The following NSUN6 variants were observed in gnomAD, a reference collection of about 807,000 sequenced individuals.
NSUN6 encodes the protein NOP2/Sun RNA methyltransferase 6, also known as tRNA (cytosine(72)-C(5))-methyltransferase NSUN6.
NSUN6 carries 64 observed loss-of-function variants against 58.0 expected under a neutral mutation model. The observed-to-expected ratio is 1.10, with a 90% confidence interval of 0.90 to 1.36. The LOEUF is 1.36. Ranked by LOEUF, NSUN6 falls within the 40% of genes most tolerant of loss-of-function variation. The pLI is 0.00. For missense variants in NSUN6, 701 were observed against 550.1 expected (o/e 1.27, Z -2.74); for synonymous variants, 231 against 193.9 (o/e 1.19, Z -1.59).
At chr10:18,625,023 G>A (rs2058743605) in intron 3 of NSUN6, among the ~76,000 whole-genome samples, 3 of 152,286 alleles carry the variant, frequency 2.0e-5, no homozygotes, top group African/African-American at 7.2e-5. Context: ...CCTCTGATGA[G>A]CTTTTCTTCT....
At chr10:18,626,538 C>T (rs952123829) in intron 3 of NSUN6, among the ~76,000 whole-genome samples, 1 of 152,182 alleles carries the variant, frequency 6.6e-6, no homozygotes, top group African/African-American at 2.4e-5. Flanking sequence ...GAGGCTGAGG[C>T]AGGCAGATTA....
Position 18,558,505 on chromosome 10 carries a change from G to A in NSUN6, c.923-6534C>T, listed in dbSNP as rs886406873. 4.0e-5 allele frequency among the ~76,000 whole-genome samples: 6 copies of A among 148,774 alleles called. No individual in the cohort carries two copies. In the South Asian group the frequency reaches 6.5e-4, roughly 16 times the overall value. The stretch of plus-strand genomic sequence containing the variant: ...GGAATAGAATATGGAATGGAATGGA[G>A]AAAGGAATAGAATATGGAATGGAAC... On this transcript the variant is annotated intron_variant, in intron 8 of 10. Transcript: ENST00000377304.
At chr10:18,566,821 T>TCATTC (rs1161552099) in intron 8 of NSUN6, among the ~76,000 whole-genome samples, 1 of 145,750 alleles carries the variant, frequency 6.9e-6, no homozygotes, top group Non-Finnish European at 1.5e-5. Flanking sequence ...ATACCATTTT[T>TCATTC]CATTCCATTC....
At chr10:18,559,482 A>AGAATG (rs558249352) in intron 8 of NSUN6, among the ~76,000 whole-genome samples, 15,237 of 149,896 alleles carry the variant, frequency 0.1, 955 homozygotes, top group Middle Eastern at 0.16. Context: ...AATCGAATGG[A>AGAATG]GAATGGAATG....
In NSUN6 at chr10:18,636,727, A is replaced by C. The variant is rs200665770; in HGVS notation, c.311+5749T>G. Among the ~76,000 whole-genome samples the C allele has an allele frequency of 1.6e-4, 24 of 152,018 alleles. No individual in the cohort carries two copies. The East Asian group carries it at 4.7e-3, about 30-fold the overall frequency. Reference sequence around the variant, plus strand: ...GCCAATATGGTGAAACCCAGTCTCTATTAAAAATACAAAAATTAGTCGGGC... The same window carrying C: ...GCCAATATGGTGAAACCCAGTCTCTCTTAAAAATACAAAAATTAGTCGGGC... On this transcript the variant is annotated intron_variant, in intron 3 of 10. Coordinates refer to ENST00000377304, the MANE Select transcript of NSUN6 (RefSeq NM_182543.5).
At chr10:18,564,073 GATTCCATTCCATTTCTTCCATTCTCT>G (rs1233881357) in intron 8 of NSUN6, among the ~76,000 whole-genome samples, 1 of 144,596 alleles carries the variant, frequency 6.9e-6, no homozygotes, top group Non-Finnish European at 1.5e-5. Context: ...TTCCATTCTT[GATTCCATTCCATTTCTTCCATTCTCT>G]ATTCCATTCC....
chr10:18,556,214 G>C (rs1211478912), intron 8 of NSUN6, among the ~76,000 whole-genome samples: 1 of 151,040 alleles, frequency 6.6e-6, no homozygotes, highest in Non-Finnish European at 1.5e-5. Context: ...GAATGGAATA[G>C]AATGCAATGG....
chr10:18,638,894 C>T (rs1490904478), intron 3 of NSUN6, among the ~76,000 whole-genome samples: 1 of 140,374 alleles, frequency 7.1e-6, no homozygotes, highest in Non-Finnish European at 1.5e-5. Context: ...GCAAGCACCA[C>T]ATGTATGTGA....
intron 8 of NSUN6, among the ~76,000 whole-genome samples, chr10:18,559,603 TGGAATGGAATGC>T (rs761629711): frequency 7.3e-5 from 11 of 150,164 alleles, no homozygotes; most frequent in Non-Finnish European, 8.9e-5. Context: ...GAATGGAGAA[TGGAATGGAATGC>T]GGAATGGAAT....
chr10:18,586,119 G>T, intron 7 of NSUN6, 26 bp from the exon 8 acceptor site: 1 of 1,443,170 alleles, frequency 6.9e-7, no homozygotes, highest in South Asian at 1.4e-5. Context: ...ACACACACAT[G>T]CAGAAAAAAA....
chr10:18,649,748 C>G (rs1342592593), intron 1 of NSUN6, among the ~76,000 whole-genome samples: 1 of 152,088 alleles, frequency 6.6e-6, no homozygotes, highest in Non-Finnish European at 1.5e-5. Context: ...GAGGCAGTGT[C>G]AAAGAAAGAC....
At chr10:18,627,298 AT>A (rs1247716599) in intron 3 of NSUN6, among the ~76,000 whole-genome samples, 5 of 152,218 alleles carry the variant, frequency 3.3e-5, no homozygotes, top group Non-Finnish European at 2.9e-5. Flanking sequence ...TAACTGATTC[AT>A]TTGTATTTTA....
chr10:18,605,128 G>A (rs1201613307), intron 6 of NSUN6, among the ~76,000 whole-genome samples: 2 of 150,182 alleles, frequency 1.3e-5, no homozygotes, highest in Non-Finnish European at 3.0e-5. Context: ...CTCGTAATCC[G>A]CCCGTCTCGG....
chr10:18,656,448 A>T (rs1373457501), upstream of NSUN6, among the ~76,000 whole-genome samples: 1 of 152,166 alleles, frequency 6.6e-6, no homozygotes, highest in African/African-American at 2.4e-5. Context: ...GAGGCAGGAG[A>T]ACTGCTTGAA....
chr10:18,622,014 CAT>C (rs10572337), intron 3 of NSUN6, among the ~76,000 whole-genome samples: 10,898 of 151,052 alleles, frequency 0.072, 432 homozygotes, highest in Middle Eastern at 0.11. Context: ...CCTATTCACA[CAT>C]ATATATATAT....
chr10:18,551,862 C>T lies in NSUN6; in HGVS notation c.1032G>A (p.Val344=), dbSNP rs2054624671. Residue 344 remains valine (V), a synonymous_variant, in exon 9 of 11, where the codon GTG becomes GTA. Transcript: ENST00000377304. ...NMACTWSVKE[V]ASYQPLQRKL... is the part of the protein sequence containing the mutation. ...TTCGCTGTAATGGCTGATATGATGC[C>T]ACTTCCTTCACAGACCAAGTACAGG... 3 of 1,613,576 alleles carry T rather than the reference C, an allele frequency of 1.9e-6. No individual in the cohort carries two copies. The highest frequency in any genetic ancestry group is 2.5e-6 in the Non-Finnish European group (3 of 1,179,648).
At chr10:18,580,305 C>T (rs1401021338) in intron 8 of NSUN6, among the ~76,000 whole-genome samples, 1 of 152,164 alleles carries the variant, frequency 6.6e-6, no homozygotes, top group Non-Finnish European at 1.5e-5. Context: ...TTTCCAACTA[C>T]TTTCCACTTC....
At chr10:18,625,800 G>A (rs188599931) in intron 3 of NSUN6, among the ~76,000 whole-genome samples, 1 of 143,320 alleles carries the variant, frequency 7.0e-6, no homozygotes, top group African/African-American at 2.5e-5. Context: ...CTGGCTAAAT[G>A]TCTAAAGTTG....
chr10:18,632,214 G>A (rs2059056587), intron 3 of NSUN6, among the ~76,000 whole-genome samples: 1 of 152,010 alleles, frequency 6.6e-6, no homozygotes. Context: ...GTAGAAAGCT[G>A]AAACTGGATC....
Sources: allele counts gnomAD v4.1 joint callset (sites outside exome capture counted in the v4.1 genomes callset), GRCh38; gene constraint gnomAD v4.1.1; transcripts MANE v1.5; gene names NCBI Gene and HGNC (gene_info 2026-07-23, HGNC 2026-07-21).